The following HHAT variants were observed in gnomAD, a reference collection of about 807,000 sequenced individuals.
The protein encoded by HHAT is protein-cysteine N-palmitoyltransferase HHAT.
In HHAT, 47 loss-of-function variants were observed where a neutral mutation model predicts 70.8. That is an observed-to-expected ratio of 0.66 (90% CI 0.53 to 0.85). HHAT has a LOEUF of 0.85. HHAT is among the 40% of genes least tolerant of loss of function. The pLI is 0.00. For synonymous variants in HHAT, 228 were observed against 247.6 expected, an observed-to-expected ratio of 0.92 and a Z score of 0.74; for missense variants, 609 against 604.8, an observed-to-expected ratio of 1.01 and a Z score of -0.07.
intron 9 of HHAT, among the ~76,000 whole-genome samples, chr1:210,559,730 G>A (rs1189443944): frequency 6.6e-6 from 1 of 152,090 alleles, no homozygotes; most frequent in Middle Eastern, 3.4e-3. Flanking sequence ...CAATATGCTG[G>A]CTGCTCTATG....
At chr1:210,352,410 C>T (rs1183247923) in intron 2 of HHAT, among the ~76,000 whole-genome samples, 1 of 152,164 alleles carries the variant, frequency 6.6e-6, no homozygotes, top group Admixed American at 6.5e-5. Context: ...ATCTCACTTT[C>T]TAATTCAGGA....
At chr1:210,662,150 A>G (rs1677868474) in intron 11 of HHAT, among the ~76,000 whole-genome samples, 1 of 152,140 alleles carries the variant, frequency 6.6e-6, no homozygotes, top group African/African-American at 2.4e-5. Flanking sequence ...CATCTGCACA[A>G]TTGGATCCCA....
intron 7 of HHAT, chr1:210,439,528 C>T (rs1243163665): frequency 6.6e-6 from 1 of 151,774 alleles, no homozygotes; most frequent in Non-Finnish European, 1.5e-5. Flanking sequence ...AGTCTTCTTC[C>T]CTCCATCTAG....
chr1:210,650,245 T>A (rs115453328), intron 11 of HHAT, among the ~76,000 whole-genome samples: 2,573 of 152,302 alleles, frequency 0.017, 35 homozygotes, highest in Middle Eastern at 0.031. Context: ...GGATTGATAA[T>A]CCTGGTTTTA....
intron 7 of HHAT, among the ~76,000 whole-genome samples, chr1:210,448,584 G>A (rs2093683323): frequency 6.6e-6 from 1 of 152,154 alleles, no homozygotes; most frequent in African/African-American, 2.4e-5. Flanking sequence ...ATTGAGATTG[G>A]AGGAGGCAGG....
At chr1:210,471,236 C>T (rs1003783750) in intron 8 of HHAT, among the ~76,000 whole-genome samples, 2 of 152,136 alleles carry the variant, frequency 1.3e-5, no homozygotes, top group African/African-American at 4.8e-5. Context: ...ACTCCACTGT[C>T]ATCTCCCTGT....
intron 3 of HHAT, chr1:210,374,284 T>C (rs370751341): frequency 6.6e-6 from 1 of 152,188 alleles, no homozygotes; most frequent in African/African-American, 2.4e-5. Context: ...ACAAATTAGT[T>C]CAACTCATTG....
At chr1:210,598,878 G>C (rs1053451568) in intron 10 of HHAT, among the ~76,000 whole-genome samples, 1 of 152,192 alleles carries the variant, frequency 6.6e-6, no homozygotes, top group Non-Finnish European at 1.5e-5. Context: ...AGAATGATTG[G>C]TGAAGGCTTC....
intron 9 of HHAT, among the ~76,000 whole-genome samples, chr1:210,569,070 G>A (rs1364312238): frequency 1.3e-5 from 2 of 152,042 alleles, no homozygotes; most frequent in Non-Finnish European, 2.9e-5. Context: ...CACACATGAG[G>A]TGTCAGAAGT....
chr1:210,639,014 T>C (rs1672475453), intron 11 of HHAT, among the ~76,000 whole-genome samples: 1 of 152,220 alleles, frequency 6.6e-6, no homozygotes. Context: ...TGGTGATTTA[T>C]GTGATATGCA....
At chr1:210,376,773 G>C (rs1361236337) in intron 3 of HHAT, among the ~76,000 whole-genome samples, 1 of 152,222 alleles carries the variant, frequency 6.6e-6, no homozygotes. Flanking sequence ...GAGAACTCCA[G>C]CATAGTTCTG....
At chr1:210,548,062 T>C (rs371217469) in intron 9 of HHAT, among the ~76,000 whole-genome samples, 2 of 152,356 alleles carry the variant, frequency 1.3e-5, no homozygotes, top group African/African-American at 4.8e-5. Context: ...TTTCCTCTCT[T>C]ATTTCATACC....
At chr1:210,669,192 C>T (rs781422262) in intron 11 of HHAT, among the ~76,000 whole-genome samples, 16 of 152,276 alleles carry the variant, frequency 1.1e-4, no homozygotes, top group South Asian at 8.3e-4. Flanking sequence ...TGCTCTTTTC[C>T]GTCAGTATCA....
chr1:210,472,274 C>A, intron 8 of HHAT, among the ~76,000 whole-genome samples: 1 of 152,178 alleles, frequency 6.6e-6, no homozygotes, highest in East Asian at 1.9e-4. Flanking sequence ...CTTTACAAAA[C>A]CCCTGTGAAG....
At chr1:210,334,426 G>A (rs897356497) in intron 1 of HHAT, among the ~76,000 whole-genome samples, 1 of 151,886 alleles carries the variant, frequency 6.6e-6, no homozygotes, top group African/African-American at 2.4e-5. Flanking sequence ...AAAATGGTGG[G>A]ATTACAGGCA....
At chr1:210,640,368 G>T (rs12409881) in intron 11 of HHAT, among the ~76,000 whole-genome samples, 3,471 of 152,204 alleles carry the variant, frequency 0.023, 74 homozygotes, top group East Asian at 0.054. Context: ...AGACAAGAGG[G>T]AGTGGCCTTA....
chr1:210,475,728 G>T (rs2094295375), intron 8 of HHAT, among the ~76,000 whole-genome samples: 1 of 152,194 alleles, frequency 6.6e-6, no homozygotes, highest in South Asian at 2.1e-4. Context: ...CCCAGCCCTT[G>T]TAGGGCGAAT....
rs1049989218 is a variant in HHAT at position 210,329,509 on chromosome 1, C to A, written c.-44+405C>A. 17 of 997,902 alleles carry A rather than the reference C, an allele frequency of 1.7e-5. No individual in the cohort carries two copies. In the South Asian group the frequency reaches 4.2e-4, roughly 25 times the overall value. 61.8% of individuals were successfully genotyped at this position (997,902 alleles called of 1,614,324 possible). On this transcript the variant is annotated intron_variant, in intron 1 of 11. Coordinates refer to ENST00000261458, the MANE Select transcript of HHAT (RefSeq NM_018194.6). ...GTTAGAGACTTCCTTTGCGTTCTAT[C>A]TTCAGGACTCAGTTTTCTTCCTCTG...
intron 7 of HHAT, among the ~76,000 whole-genome samples, chr1:210,436,235 G>A (rs1265554145): frequency 4.4e-4 from 67 of 151,608 alleles, no homozygotes; most frequent in Non-Finnish European, 1.2e-4. Context: ...CCTATTGTAT[G>A]TTCTTGGCAC....
Sources: gnomAD v4.1 joint callset for allele counts (sites outside exome capture counted in the v4.1 genomes callset) on GRCh38, gnomAD v4.1.1 for gene constraint, MANE v1.5 for transcripts, NCBI Gene and HGNC (gene_info 2026-07-23, HGNC 2026-07-21) for gene names.